Variants in UGT2B4 observed in about 807,000 individuals in gnomAD.
The protein encoded by UGT2B4 is UDP-glucuronosyltransferase 2B4.
Under a neutral mutation model 49.8 loss-of-function variants are expected in UGT2B4, and 49 were observed. That is an observed-to-expected ratio of 0.98 (90% CI 0.78 to 1.25). UGT2B4 has a LOEUF of 1.25. Ranked by LOEUF, UGT2B4 falls within the 50% of genes most tolerant of loss-of-function variation. The probability of loss-of-function intolerance (pLI) is 0.00; values close to 1 mark genes in which losing one functional copy is unlikely to be tolerated. For missense variants in UGT2B4, 729 were observed against 627.7 expected (o/e 1.16, Z -1.73); for synonymous variants, 246 against 217.7 (o/e 1.13, Z -1.14).
At chr4:69,506,658 G>A (rs1191312708) in intron 1 of UGT2B4, among the ~76,000 whole-genome samples, 1 of 151,310 alleles carries the variant, frequency 6.6e-6, no homozygotes, top group Admixed American at 6.6e-5. Context: ...AGAAGACCTG[G>A]TATTATTTCT....
At position 69,523,350 on chromosome 4, in the gene UGT2B4, C is replaced by T. The variant is rs530754363; in HGVS notation, c.-106+2337G>A. ...TAAAACTTGAAAGTCAAAATTATAC[C>T]TTGATCCATGGGTTGCAAAATAGAT... is the stretch of plus-strand genomic sequence containing the variant. On this transcript the variant is annotated intron_variant, in intron 1 of 1. Transcript: ENST00000510114. 4.6e-5 allele frequency among the ~76,000 whole-genome samples: 7 copies of T among 152,140 alleles called. No individual in the cohort carries two copies. The East Asian group carries it at 1.4e-3, about 30-fold the overall frequency.
chr4:69,481,096 A>G (rs1355278437), intron 5 of UGT2B4, among the ~76,000 whole-genome samples, 186 bp from the exon 6 acceptor site: 1 of 83,250 alleles, frequency 1.2e-5, no homozygotes, highest in Non-Finnish European at 2.7e-5. Context: ...AATATGAAAA[A>G]AAAAAAAAAA....
At chr4:69,484,736 T>A (rs1727715311) in intron 5 of UGT2B4, among the ~76,000 whole-genome samples, 1 of 152,150 alleles carries the variant, frequency 6.6e-6, no homozygotes, top group Non-Finnish European at 1.5e-5. Flanking sequence ...ATACTAAATA[T>A]ATTTGGATTT....
intron 3 of UGT2B4, among the ~76,000 whole-genome samples, chr4:69,486,984 A>C (rs41297417): frequency 6.6e-6 from 1 of 152,332 alleles, no homozygotes; most frequent in East Asian, 1.9e-4. Flanking sequence ...ATATGTGGCA[A>C]ACCACTATAT....
chr4:69,480,955 T>C, intron 5 of UGT2B4, 45 bp from the exon 6 acceptor site: 1 of 1,597,254 alleles, frequency 6.3e-7, no homozygotes, highest in Non-Finnish European at 8.5e-7. Context: ...GTAAGTTAAT[T>C]TGGCCAGGCA....
rs1035598068 is a variant in UGT2B4 at position 69,480,542 on chromosome 4, G to A, written c.*92C>T. 6.6e-6 allele frequency: 10 copies of A among 1,506,656 alleles called. No homozygotes were observed. The highest frequency in any genetic ancestry group is 8.9e-6 in the Non-Finnish European group (10 of 1,125,978). 93.3% of individuals were successfully genotyped at this position (1,506,656 alleles called of 1,614,324 possible). On this transcript the variant is annotated 3_prime_UTR_variant, in exon 6 of 6. Coordinates refer to ENST00000305107, the MANE Select transcript of UGT2B4 (RefSeq NM_021139.3). The stretch of plus-strand genomic sequence containing the variant: ...TTTGAAAGATGTTTTGTCACAAGAA[G>A]AAAGGAATCTCTTGTATCACAACGT...
In UGT2B4 at chr4:69,485,483, C is replaced by T. The variant is rs1727753974; in HGVS notation, c.1091-56G>A. The T allele has an allele frequency of 1.6e-5, 26 of 1,598,066 alleles. 1 individual carries two copies. Among genetic ancestry groups the T allele is most frequent in the Non-Finnish European group, 4.3e-6 (5 of 1,166,730 alleles). ...TCATAGGAATAAAATGAGAAATGCA[C>T]AATGGAAGAATCTGAATGTGACGGT... is the stretch of plus-strand genomic sequence containing the variant. On this transcript the variant is annotated intron_variant, in intron 4 of 5. Transcript: ENST00000305107.
chr4:69,506,627 A>G (rs1728474199), intron 1 of UGT2B4, among the ~76,000 whole-genome samples: 1 of 151,548 alleles, frequency 6.6e-6, no homozygotes, highest in Non-Finnish European at 1.5e-5. Flanking sequence ...ATTCACAGCT[A>G]AATGGTGCCA....
upstream of UGT2B4, chr4:69,495,906 G>T: frequency 6.5e-7 from 1 of 1,537,442 alleles, no homozygotes; most frequent in Non-Finnish European, 8.7e-7. Flanking sequence ...GCTCCTTTCT[G>T]TCATTTCTCA....
Position 69,486,703 on chromosome 4 carries a change from C to T in UGT2B4, c.1003-7G>A. The T allele has an allele frequency of 6.3e-7, 1 of 1,590,966 alleles. No individual in the cohort carries two copies. The highest frequency in any genetic ancestry group is 8.6e-7 in the Non-Finnish European group (1 of 1,168,564). ...CATCAAATCTCCACAGAACCTGTTA[C>T]AGTGAAGAAAATATCTTATTCCATG... On this transcript the variant is annotated splice_region_variant and splice_polypyrimidine_tract_variant and intron_variant, in intron 3 of 5. Transcript: ENST00000305107.
At chr4:69,516,676 G>A (rs1366326243) in intron 1 of UGT2B4, among the ~76,000 whole-genome samples, 2 of 151,146 alleles carry the variant, frequency 1.3e-5, no homozygotes, top group East Asian at 2.0e-4. Context: ...GTGTGATCTC[G>A]GCTCACTGCA....
chr4:69,511,080 C>T (rs1728593079), intron 1 of UGT2B4, among the ~76,000 whole-genome samples: 1 of 150,658 alleles, frequency 6.6e-6, no homozygotes, highest in South Asian at 2.1e-4. Flanking sequence ...CAACCTCTGC[C>T]TCCCAGGTTC....
intron 1 of UGT2B4, among the ~76,000 whole-genome samples, chr4:69,501,366 C>A (rs938859501): frequency 9.9e-5 from 15 of 152,076 alleles, no homozygotes; most frequent in African/African-American, 2.9e-4. Context: ...GACCTCCAAA[C>A]AGGGGCTTCT....
At chr4:69,496,228 T>C (rs1053313049), upstream of UGT2B4, among the ~76,000 whole-genome samples, 1 of 151,792 alleles carries the variant, frequency 6.6e-6, no homozygotes, top group Non-Finnish European at 1.5e-5. Context: ...GGTTTCACTG[T>C]ATTCGGCAGG....
At chr4:69,481,454 C>A (rs1389930) in intron 5 of UGT2B4, among the ~76,000 whole-genome samples, 134,580 of 152,230 alleles carry the variant, frequency 0.88, 59,860 homozygotes, top group South Asian at 0.96. Flanking sequence ...TTTAAAGTAA[C>A]AATGGAGGGT....
intron 1 of UGT2B4, among the ~76,000 whole-genome samples, chr4:69,502,461 G>T (rs190778165): frequency 6.6e-6 from 1 of 152,044 alleles, no homozygotes; most frequent in Non-Finnish European, 1.5e-5. Context: ...AAAAGGGCAG[G>T]CTGCCATCTT....
Position 69,485,311 on chromosome 4 carries a change from T to A in UGT2B4, c.1207A>T (p.Ile403Phe). 6.2e-7 allele frequency: 1 copy of A among 1,614,034 alleles called. No individual in the cohort carries two copies. The highest frequency in any genetic ancestry group is 1.3e-5 in the African/African-American group (1 of 75,030). ...VPLFADQPDN[I>F]AHMKAKGAAV... Reference sequence around the variant, plus strand: ...GCTCCCTTGGCCTTCATGTGTGCAATGTTATCAGGTTGATCTGCAAACAAT... The same window carrying A: ...GCTCCCTTGGCCTTCATGTGTGCAAAGTTATCAGGTTGATCTGCAAACAAT... Residue 403 changes from isoleucine (I) to phenylalanine (F), a missense_variant, in exon 5 of 6, where the codon ATT becomes TTT. Ile to Phe is a conservative substitution (Grantham distance 21). Coordinates refer to ENST00000305107, the MANE Select transcript of UGT2B4 (RefSeq NM_021139.3).
At chr4:69,498,975 G>A (rs1375039467), upstream of UGT2B4, among the ~76,000 whole-genome samples, 1 of 152,182 alleles carries the variant, frequency 6.6e-6, no homozygotes, top group Non-Finnish European at 1.5e-5. Context: ...TTTGAGGACT[G>A]TCAAGCTTTT....
intron 5 of UGT2B4, among the ~76,000 whole-genome samples, 196 bp from the exon 6 acceptor site, chr4:69,481,106 A>AAAAAT (rs1727577365): frequency 6.7e-6 from 1 of 149,266 alleles, no homozygotes; most frequent in Non-Finnish European, 1.5e-5. Context: ...AAAAAAAAAA[A>AAAAAT]AAAAAAAAAA....
Sources: allele counts gnomAD v4.1 joint callset (sites outside exome capture counted in the v4.1 genomes callset), GRCh38; gene constraint gnomAD v4.1.1; transcripts MANE v1.5; gene names NCBI Gene and HGNC (gene_info 2026-07-23, HGNC 2026-07-21).